Variants in ABCC4 observed in about 807,000 individuals in gnomAD.
ABCC4 encodes ATP-binding cassette sub-family C member 4.
ABCC4 carries 102 observed loss-of-function variants against 168.5 expected under a neutral mutation model. The ratio of observed to expected loss-of-function variants is 0.61; its 90% confidence interval spans 0.52 to 0.71. ABCC4 has a LOEUF of 0.71. ABCC4 is among the 30% of genes least tolerant of loss of function. The probability of loss-of-function intolerance (pLI) is 0.00; values close to 1 mark genes in which losing one functional copy is unlikely to be tolerated. For missense variants in ABCC4, 1,402 were observed against 1,605.8 expected (o/e 0.87, Z 2.17); for synonymous variants, 617 against 590.7 (o/e 1.04, Z -0.65).
chr13:95,205,118 CTGTTGTCAGAAAGAA>C (rs1223831058), intron 8 of ABCC4, among the ~76,000 whole-genome samples: 1 of 152,202 alleles, frequency 6.6e-6, no homozygotes, highest in Non-Finnish European at 1.5e-5. Flanking sequence ...TTACCTGAAG[CTGTTGTCAGAAAGAA>C]TGGGGATAAG....
At chr13:95,102,559 C>T (rs2034848045) in intron 20 of ABCC4, among the ~76,000 whole-genome samples, 1 of 152,014 alleles carries the variant, frequency 6.6e-6, no homozygotes, top group South Asian at 2.1e-4. Context: ...TCTGGGATTA[C>T]AGGCATGGAC....
intron 26 of ABCC4, among the ~76,000 whole-genome samples, chr13:95,058,610 G>GAAAAAGA (rs1312398052): frequency 8.3e-6 from 1 of 121,176 alleles, no homozygotes; most frequent in Non-Finnish European, 1.9e-5. Context: ...AAAAGAAAAA[G>GAAAAAGA]AAAAGAAAAA....
At chr13:95,077,683 A>AG (rs148624385) in intron 21 of ABCC4, among the ~76,000 whole-genome samples, 32,345 of 144,216 alleles carry the variant, frequency 0.22, 3,632 homozygotes, top group East Asian at 0.29. Flanking sequence ...TAAAATGATG[A>AG]GGGGGTAGGG....
rs766715154 is a variant in ABCC4, at chr13:95,206,759, T to G, written c.934A>C (p.Arg312=). The G allele has an allele frequency of 6.2e-7, 1 of 1,614,086 alleles. No homozygotes were observed. The highest frequency in any genetic ancestry group is 8.5e-7 in the Non-Finnish European group (1 of 1,179,968). ...TTCATCCCTCTGAGGCAGGAACTTC[T>G]CAGAATCTTGGAAATCTCCTTCCTG... is the stretch of plus-strand genomic sequence containing the variant. ...LRKKEISKIL[R]SSCLRGMNLA... is the part of the protein sequence containing the mutation. Residue 312 remains arginine, a synonymous_variant, in exon 8 of 31, where the codon AGA becomes CGA. Coordinates refer to ENST00000645237, the MANE Select transcript of ABCC4 (RefSeq NM_005845.5).
intron 20 of ABCC4, among the ~76,000 whole-genome samples, chr13:95,109,915 A>G (rs2035143971): frequency 6.6e-6 from 1 of 152,208 alleles, no homozygotes; most frequent in South Asian, 2.1e-4. Flanking sequence ...GGATGAAGAT[A>G]AAGCCTCTAT....
intron 20 of ABCC4, among the ~76,000 whole-genome samples, chr13:95,083,506 C>A (rs889295160): frequency 6.6e-6 from 1 of 151,494 alleles, no homozygotes; most frequent in Non-Finnish European, 1.5e-5. Flanking sequence ...ATAAACTTAT[C>A]CATTAGGTTT....
intron 20 of ABCC4, among the ~76,000 whole-genome samples, chr13:95,106,189 G>A (rs1377339156): frequency 1.3e-5 from 2 of 152,046 alleles, no homozygotes; most frequent in Admixed American, 6.6e-5. Context: ...TGTAGACTCC[G>A]ACTGCCCTAG....
chr13:95,034,472 T>A, intron 30 of ABCC4, 133 bp downstream of exon 30: 2 of 1,313,892 alleles, frequency 1.5e-6, no homozygotes, highest in Non-Finnish European at 2.0e-6. Context: ...TAAGACCCAC[T>A]CATGAAGCTT....
intron 29 of ABCC4, among the ~76,000 whole-genome samples, chr13:95,041,211 C>T (rs2032343669): frequency 6.6e-6 from 1 of 152,210 alleles, no homozygotes; most frequent in Non-Finnish European, 1.5e-5. Flanking sequence ...ATTAAGACTA[C>T]ACCATGTTTA....
intron 30 of ABCC4, among the ~76,000 whole-genome samples, chr13:95,027,879 T>C (rs2031626220): frequency 6.6e-6 from 1 of 152,094 alleles, no homozygotes; most frequent in South Asian, 2.1e-4. Context: ...AATCATCTAT[T>C]AAAAACAAAG....
chr13:95,299,904 C>T (rs1438957259), intron 1 of ABCC4, among the ~76,000 whole-genome samples: 2 of 152,128 alleles, frequency 1.3e-5, no homozygotes, highest in East Asian at 1.9e-4. Flanking sequence ...TACAGTGGGG[C>T]GATCTCAGCT....
chr13:95,071,439 T>C (rs919411848), intron 25 of ABCC4, among the ~76,000 whole-genome samples: 11 of 152,174 alleles, frequency 7.2e-5, no homozygotes, highest in Admixed American at 7.2e-4. Context: ...AAACAGAGTA[T>C]CCTGGGTCAC....
intron 20 of ABCC4, among the ~76,000 whole-genome samples, chr13:95,097,984 A>T (rs1437588133): frequency 6.6e-6 from 1 of 151,914 alleles, no homozygotes; most frequent in African/African-American, 2.4e-5. Flanking sequence ...AAAAATACAA[A>T]AATTAGCTGG....
chr13:95,186,168 A>G (rs573846974), intron 11 of ABCC4, among the ~76,000 whole-genome samples: 2 of 150,786 alleles, frequency 1.3e-5, no homozygotes, highest in Non-Finnish European at 2.9e-5. Context: ...TTTTTTCTTG[A>G]GTGAGATGTA....
chr13:95,228,597 A>G (rs1339607724), intron 4 of ABCC4, among the ~76,000 whole-genome samples: 1 of 152,086 alleles, frequency 6.6e-6, no homozygotes, highest in Non-Finnish European at 1.5e-5. Flanking sequence ...CAACATGGTG[A>G]AATGCCGTCT....
rs748565682 is a variant in ABCC4, at chr13:95,218,965, G to GAA, written c.532-8186_532-8185dup. ...AGAAAGAAAGAAAGAAAGAAAGAAAGAAAGAAAGAAAGAAAGAAAGAGTGA... is the reference window on the plus strand; with the variant it reads ...AGAAAGAAAGAAAGAAAGAAAGAAAGAAAAAGAAAGAAAGAAAGAAAGAGTGA... On this transcript the variant is annotated intron_variant, in intron 4 of 30. Coordinates refer to ENST00000645237, the MANE Select transcript of ABCC4 (RefSeq NM_005845.5). Among the ~76,000 whole-genome samples, 6 of 37,084 alleles carry GAA rather than the reference G, an allele frequency of 1.6e-4. 2 individuals carry two copies. Among genetic ancestry groups the GAA allele is most frequent in the Admixed American group, 9.1e-4 (4 of 4,414 alleles). 24.3% of individuals were successfully genotyped at this position (37,084 alleles called of 152,430 possible).
At chr13:95,104,254 C>T (rs547527183) in intron 20 of ABCC4, among the ~76,000 whole-genome samples, 19 of 152,158 alleles carry the variant, frequency 1.2e-4, no homozygotes, top group Admixed American at 5.9e-4. Context: ...GCTGGGATTA[C>T]AGGTGTGCAC....
intron 18 of ABCC4, chr13:95,161,816 T>C (rs1290537304): frequency 1.3e-5 from 2 of 152,238 alleles, no homozygotes; most frequent in African/African-American, 4.8e-5. Flanking sequence ...AAAAATACCG[T>C]ATTAAGTTGC....
chr13:95,296,801 C>G (rs928042379), intron 1 of ABCC4, among the ~76,000 whole-genome samples: 16 of 152,158 alleles, frequency 1.1e-4, no homozygotes, highest in Non-Finnish European at 2.2e-4. Flanking sequence ...TTGTGCCCAG[C>G]TGGCCACAGT....
Sources: gnomAD v4.1 joint callset for allele counts (sites outside exome capture counted in the v4.1 genomes callset) on GRCh38, gnomAD v4.1.1 for gene constraint, MANE v1.5 for transcripts, NCBI Gene and HGNC (gene_info 2026-07-23, HGNC 2026-07-21) for gene names.